Variants in MARCHF1 observed in about 807,000 individuals in gnomAD.
MARCHF1 encodes the protein E3 ubiquitin-protein ligase MARCHF1.
In MARCHF1, 40 loss-of-function variants were observed where a neutral mutation model predicts 54.2. The observed-to-expected ratio is 0.74, with a 90% CI of 0.57 to 0.96. MARCHF1 has a LOEUF of 0.96. MARCHF1 is among the 40% of genes least tolerant of loss of function. The pLI is 0.00. For missense variants in MARCHF1, 586 were observed against 656.5 expected (o/e 0.89, Z 1.17); for synonymous variants, 236 against 236.3 (o/e 1.00, Z 0.01).
At chr4:163,666,328 T>C (rs1053084865) in intron 5 of MARCHF1, among the ~76,000 whole-genome samples, 2 of 152,172 alleles carry the variant, frequency 1.3e-5, no homozygotes, top group Non-Finnish European at 2.9e-5. Flanking sequence ...ATTCTGAAAC[T>C]GATTTTGAAG....
At chr4:163,697,361 G>C (rs1050758073) in intron 5 of MARCHF1, among the ~76,000 whole-genome samples, 1 of 152,156 alleles carries the variant, frequency 6.6e-6, no homozygotes, top group Non-Finnish European at 1.5e-5. Flanking sequence ...TGTCAGCCAA[G>C]GGCTAATCTT....
At chr4:164,239,006 T>C (rs1004173973) in intron 1 of MARCHF1, among the ~76,000 whole-genome samples, 4 of 152,086 alleles carry the variant, frequency 2.6e-5, no homozygotes, top group African/African-American at 9.6e-5. Context: ...GGGCTTTTCA[T>C]CTGTATAGTG....
In MARCHF1 at chr4:164,230,970, A is replaced by G. The variant is rs556128319; in HGVS notation, c.-322-119308T>C. ...ATTGCTGCCTAGAAATTCTGGGAAC[A>G]ATAGATATGTAAAAATAGAACACAA... On this transcript the variant is annotated intron_variant, in intron 1 of 9. Coordinates refer to ENST00000514618, the MANE Select transcript of MARCHF1 (RefSeq NM_001394959.1). 8.5e-5 allele frequency among the ~76,000 whole-genome samples: 13 copies of G among 152,296 alleles called. No homozygotes were observed. The South Asian group carries it at 2.7e-3, about 32-fold the overall frequency.
chr4:164,368,750 C>T (rs534124592), intron 1 of MARCHF1, among the ~76,000 whole-genome samples: 3 of 152,234 alleles, frequency 2.0e-5, no homozygotes, highest in East Asian at 1.9e-4. Context: ...CTTGAACATC[C>T]ATTCACAAGA....
intron 2 of MARCHF1, among the ~76,000 whole-genome samples, chr4:164,006,973 A>T (rs993210995): frequency 9.0e-5 from 13 of 144,350 alleles, no homozygotes; most frequent in Non-Finnish European, 1.8e-4. Flanking sequence ...GAAATAATAG[A>T]GGGAGCTCTG....
chr4:164,138,765 G>C (rs1188188860), intron 1 of MARCHF1, among the ~76,000 whole-genome samples: 2 of 152,190 alleles, frequency 1.3e-5, no homozygotes, highest in Non-Finnish European at 2.9e-5. Context: ...TTAAGTGATA[G>C]CTCCTTGCTG....
intron 2 of MARCHF1, among the ~76,000 whole-genome samples, chr4:164,093,893 T>C (rs527733465): frequency 6.6e-6 from 1 of 152,146 alleles, no homozygotes; most frequent in Non-Finnish European, 1.5e-5. Context: ...TTGCCCCTTA[T>C]ATTTCTCTTT....
At chr4:163,795,475 C>G (rs10030446) in intron 4 of MARCHF1, among the ~76,000 whole-genome samples, 44,497 of 152,178 alleles carry the variant, frequency 0.29, 7,885 homozygotes, top group Non-Finnish European at 0.41. Context: ...GGCAATCCAC[C>G]TGCCTTGGCC....
Position 163,612,550 on chromosome 4 carries a change from T to C in MARCHF1, c.731A>G (p.Asn244Ser), listed in dbSNP as rs17657468. 105,530 of 1,535,312 alleles carry C rather than the reference T, an allele frequency of 0.069. 5,891 individuals carry two copies. The highest frequency in any genetic ancestry group is 0.29 in the East Asian group (11,909 of 40,862). ...AGAGGACCCTTGAGTCAGAGAAGGG[T>C]TGCATTCTTGGTACCTTGTATGTTT... Reference protein sequence around the residue: ...RGKHTRYQECNPSLTQGSSEI... With the variant: ...RGKHTRYQECSPSLTQGSSEI... The change falls in exon 7 of 10, where the codon AAC becomes AGC. Residue 244 changes from asparagine (N) to serine (S), a missense_variant. Asn to Ser is a conservative substitution (Grantham distance 46, BLOSUM62 1). Coordinates refer to ENST00000514618, the MANE Select transcript of MARCHF1 (RefSeq NM_001394959.1).
intron 5 of MARCHF1, among the ~76,000 whole-genome samples, chr4:163,623,520 A>G (rs976299065): frequency 6.6e-6 from 1 of 152,142 alleles, no homozygotes; most frequent in Admixed American, 6.6e-5. Context: ...CGTTTCTTGC[A>G]CAAGCCTAAA....
chr4:163,927,757 G>T (rs1427340155), intron 3 of MARCHF1, among the ~76,000 whole-genome samples: 1 of 151,696 alleles, frequency 6.6e-6, no homozygotes, highest in Non-Finnish European at 1.5e-5. Context: ...TGCACCCAGG[G>T]TTTAATGTGT....
intron 1 of MARCHF1, among the ~76,000 whole-genome samples, chr4:164,315,790 A>G (rs868684502): frequency 6.6e-6 from 1 of 152,194 alleles, no homozygotes; most frequent in African/African-American, 2.4e-5. Flanking sequence ...ATATAATAAT[A>G]ATCTATTTAC....
At chr4:163,901,707 G>T (rs1380710752) in intron 3 of MARCHF1, among the ~76,000 whole-genome samples, 8 of 152,178 alleles carry the variant, frequency 5.3e-5, no homozygotes, top group African/African-American at 1.4e-4. Context: ...TCCCAGTAGA[G>T]CAATTGTTGT....
chr4:164,038,831 T>A (rs866135324), intron 2 of MARCHF1, among the ~76,000 whole-genome samples: 4 of 152,222 alleles, frequency 2.6e-5, no homozygotes, highest in Non-Finnish European at 4.4e-5. Flanking sequence ...TTTCTTATGA[T>A]CTGAGATTAT....
At chr4:163,922,141 C>T (rs1468593652) in intron 3 of MARCHF1, among the ~76,000 whole-genome samples, 1 of 149,346 alleles carries the variant, frequency 6.7e-6, no homozygotes, top group African/African-American at 2.5e-5. Context: ...CGCATGTCCT[C>T]ACTCATAGGT....
intron 1 of MARCHF1, among the ~76,000 whole-genome samples, chr4:164,183,048 T>G (rs1382305484): frequency 6.6e-6 from 1 of 152,080 alleles, no homozygotes; most frequent in African/African-American, 2.4e-5. Context: ...ATTAAAAAGT[T>G]CTAGTTCTTA....
chr4:164,372,332 G>T (rs1327498625), intron 1 of MARCHF1, among the ~76,000 whole-genome samples: 1 of 152,136 alleles, frequency 6.6e-6, no homozygotes, highest in East Asian at 1.9e-4. Flanking sequence ...ACAGTAAGTG[G>T]ACTGTATTGA....
In MARCHF1 at chr4:164,380,534, G is replaced by A. The variant is rs564751183; in HGVS notation, c.-323+3336C>T. On this transcript the variant is annotated intron_variant, in intron 1 of 9. Coordinates refer to ENST00000514618, the MANE Select transcript of MARCHF1 (RefSeq NM_001394959.1). ...ACTGTTCATCACTGAAACACTAGGA[G>A]GTAGAAATGAATTAATAGTATCATA... 3.3e-5 allele frequency among the ~76,000 whole-genome samples: 5 copies of A among 152,280 alleles called. No homozygotes were observed. In the South Asian group the frequency reaches 1.0e-3, roughly 32 times the overall value.
In MARCHF1 at chr4:163,733,258, TAC is replaced by T. The variant is rs56295544; in HGVS notation, c.112-32397_112-32396del. Among the ~76,000 whole-genome samples, 66 of 45,058 alleles carry T rather than the reference TAC, an allele frequency of 1.5e-3. 1 individual carries two copies. The highest frequency in any genetic ancestry group is 4.1e-3 in the African/African-American group (62 of 15,254). 29.6% of individuals were successfully genotyped at this position (45,058 alleles called of 152,430 possible). A position where few individuals can be genotyped will look rare whatever the true frequency, so the allele number is the denominator to read the frequency against. On this transcript the variant is annotated intron_variant, in intron 4 of 9. Transcript: ENST00000514618. ...ATATATATACACGTGTATATATATA[TAC>T]ACACACACACACACACAGACACATA... is the stretch of plus-strand genomic sequence containing the variant.
Sources: gnomAD v4.1 joint callset for allele counts (sites outside exome capture counted in the v4.1 genomes callset) on GRCh38, gnomAD v4.1.1 for gene constraint, MANE v1.5 for transcripts, NCBI Gene and HGNC (gene_info 2026-07-23, HGNC 2026-07-21) for gene names.